Variants in FANCC observed in about 807,000 individuals in gnomAD.
FANCC encodes the protein FA complementation group C, also known as Fanconi anemia group C protein.
Under a neutral mutation model 71.3 loss-of-function variants are expected in FANCC, and 55 were observed. The observed-to-expected ratio is 0.77, with a 90% CI of 0.62 to 0.97. The LOEUF is 0.97. Among genes scored for constraint, FANCC ranks in the 50% least tolerant of loss-of-function variants. The probability of loss-of-function intolerance (pLI) is 0.00; values close to 1 mark genes in which losing one functional copy is unlikely to be tolerated. For synonymous variants in FANCC, 275 were observed against 244.9 expected (o/e 1.12, Z -1.15); for missense variants, 678 against 670.9 (o/e 1.01, Z -0.12).
At position 95,260,088 on chromosome 9, in the gene FANCC, T is replaced by G. The variant is rs558043678; in HGVS notation, c.-78-10719A>C. The stretch of plus-strand genomic sequence containing the variant: ...AGAAACAGGAACGCTTTTACCCTGT[T>G]GGTGGGAGTGTAAATTACTTCAATC... On this transcript the variant is annotated intron_variant, in intron 1 of 14. Transcript: ENST00000289081. Among the ~76,000 whole-genome samples the G allele has an allele frequency of 3.9e-5, 6 of 152,302 alleles. No homozygotes were observed. The South Asian group carries it at 1.2e-3, about 32-fold the overall frequency.
intron 4 of FANCC, among the ~76,000 whole-genome samples, chr9:95,240,170 CCA>C (rs1405406626): frequency 6.6e-6 from 1 of 152,200 alleles, no homozygotes; most frequent in Non-Finnish European, 1.5e-5. Flanking sequence ...GCACCAAGAT[CCA>C]GTCTGTGCAT....
intron 7 of FANCC, among the ~76,000 whole-genome samples, chr9:95,147,309 G>T (rs964660148): frequency 1.3e-5 from 2 of 152,126 alleles, no homozygotes; most frequent in African/African-American, 4.8e-5. Context: ...CCTGAGGTCG[G>T]GATTTCGAGA....
At chr9:95,207,208 C>T (rs1042339626) in intron 4 of FANCC, among the ~76,000 whole-genome samples, 1 of 152,072 alleles carries the variant, frequency 6.6e-6, no homozygotes, top group Non-Finnish European at 1.5e-5. Flanking sequence ...GGTGAACTCA[C>T]ATGAAGAGCT....
chr9:95,235,830 G>T (rs76195172), intron 4 of FANCC, among the ~76,000 whole-genome samples: 5 of 98,602 alleles, frequency 5.1e-5, no homozygotes, highest in Non-Finnish European at 9.0e-5. Context: ...GGCAACAAGA[G>T]TGAAACTCCA....
At chr9:95,131,598 A>C (rs1826922956) in intron 8 of FANCC, among the ~76,000 whole-genome samples, 1 of 152,200 alleles carries the variant, frequency 6.6e-6, no homozygotes, top group African/African-American at 2.4e-5. Flanking sequence ...GCTTTTAGCC[A>C]TACACATCAG....
chr9:95,198,107 C>CA (rs1382528671), intron 4 of FANCC, among the ~76,000 whole-genome samples: 1 of 152,146 alleles, frequency 6.6e-6, no homozygotes, highest in Non-Finnish European at 1.5e-5. Context: ...CCTAAGCCAG[C>CA]ACTCGCAGGA....
chr9:95,214,344 A>T (rs1343357586), intron 4 of FANCC, among the ~76,000 whole-genome samples: 1 of 152,148 alleles, frequency 6.6e-6, no homozygotes, highest in Non-Finnish European at 1.5e-5. Flanking sequence ...GGGTTGGAAG[A>T]TCGGTTGAGC....
intron 4 of FANCC, among the ~76,000 whole-genome samples, chr9:95,196,404 G>T (rs1290324061): frequency 6.6e-6 from 1 of 151,982 alleles, no homozygotes; most frequent in Non-Finnish European, 1.5e-5. Context: ...TACACTGATT[G>T]ATTTATAATA....
chr9:95,169,863 T>C (rs1473070923), intron 6 of FANCC, among the ~76,000 whole-genome samples: 2 of 152,256 alleles, frequency 1.3e-5, no homozygotes, highest in African/African-American at 4.8e-5. Flanking sequence ...TTATTATTAA[T>C]TCAGTTTTCA....
chr9:95,128,419 T>C (rs977026222), intron 8 of FANCC, among the ~76,000 whole-genome samples: 6 of 152,252 alleles, frequency 3.9e-5, no homozygotes, highest in South Asian at 2.1e-4. Flanking sequence ...AAGATGAAAC[T>C]TGAAAATGGT....
chr9:95,164,213 CAG>C (rs1342687102), intron 6 of FANCC, among the ~76,000 whole-genome samples: 2 of 152,160 alleles, frequency 1.3e-5, no homozygotes, highest in African/African-American at 4.8e-5. Context: ...CATCTGTGAA[CAG>C]AGACAATTTT....
At chr9:95,164,625 C>A (rs1259535890) in intron 6 of FANCC, among the ~76,000 whole-genome samples, 1 of 152,054 alleles carries the variant, frequency 6.6e-6, no homozygotes, top group African/African-American at 2.4e-5. Context: ...TTGAGCCATC[C>A]TTGTATTCAA....
At chr9:95,153,267 G>A (rs1254307101) in intron 6 of FANCC, among the ~76,000 whole-genome samples, 12 of 151,784 alleles carry the variant, frequency 7.9e-5, no homozygotes. Flanking sequence ...ACTTATGTTG[G>A]TTCCACATCT....
At position 95,288,218 on chromosome 9, in the gene FANCC, G is replaced by A. The variant is rs1833798489; in HGVS notation, c.-79+29308C>T. The stretch of plus-strand genomic sequence containing the variant: ...CAGGCTGTTTCAGCAATAATAATTT[G>A]TAAAGCAGGATTTTATTTACAATTT... On this transcript the variant is annotated intron_variant, in intron 1 of 14. Coordinates refer to ENST00000289081, the MANE Select transcript of FANCC (RefSeq NM_000136.3). Among the ~76,000 whole-genome samples the A allele has an allele frequency of 2.0e-5, 3 of 152,044 alleles. No homozygotes were observed. The South Asian group carries it at 6.2e-4, about 32-fold the overall frequency.
At chr9:95,307,042 G>A (rs1008051512) in intron 1 of FANCC, among the ~76,000 whole-genome samples, 3 of 152,104 alleles carry the variant, frequency 2.0e-5, no homozygotes, top group Non-Finnish European at 2.9e-5. Flanking sequence ...ATGTCACCAC[G>A]CCTGGATAAT....
At chr9:95,139,409 T>C (rs1181917939) in intron 7 of FANCC, among the ~76,000 whole-genome samples, 2 of 152,146 alleles carry the variant, frequency 1.3e-5, no homozygotes, top group African/African-American at 4.8e-5. Context: ...GTGTTAATCA[T>C]CGTACTGCTG....
intron 1 of FANCC, among the ~76,000 whole-genome samples, chr9:95,300,723 A>G (rs1269500856): frequency 2.0e-5 from 3 of 152,150 alleles, no homozygotes; most frequent in African/African-American, 4.8e-5. Flanking sequence ...GTCCAGGGAT[A>G]TGTGGTTATC....
chr9:95,230,752 A>G (rs1009084613), intron 4 of FANCC, among the ~76,000 whole-genome samples: 3 of 152,082 alleles, frequency 2.0e-5, no homozygotes, highest in Non-Finnish European at 2.9e-5. Flanking sequence ...AAGGCGACCC[A>G]AGTGAGCTGG....
At chr9:95,188,574 G>T (rs1826878466) in intron 4 of FANCC, among the ~76,000 whole-genome samples, 1 of 152,134 alleles carries the variant, frequency 6.6e-6, no homozygotes, top group Admixed American at 6.5e-5. Context: ...GCTTTCCTTG[G>T]TACATATTGC....
Sources: allele counts gnomAD v4.1 joint callset (sites outside exome capture counted in the v4.1 genomes callset), GRCh38; gene constraint gnomAD v4.1.1; transcripts MANE v1.5; gene names NCBI Gene and HGNC (gene_info 2026-07-23, HGNC 2026-07-21).